SLC16A7: variants seen among roughly 807,000 people sequenced by gnomAD.
The protein encoded by SLC16A7 is monocarboxylate transporter 2.
A neutral mutation model predicts 34.9 loss-of-function variants in SLC16A7; 33 were observed. The observed-to-expected ratio is 0.94, with a 90% CI of 0.72 to 1.26. The LOEUF (loss-of-function observed/expected upper bound fraction) is 1.26, where lower values mean the gene tolerates loss of function less well. Ranked by LOEUF, SLC16A7 falls within the 50% of genes most tolerant of loss-of-function variation. The probability of loss-of-function intolerance (pLI) is 0.00; values close to 1 mark genes in which losing one functional copy is unlikely to be tolerated. For synonymous variants in SLC16A7, 201 were observed against 206.6 expected (o/e 0.97, Z 0.23); for missense variants, 573 against 578.1 (o/e 0.99, Z 0.09).
At chr12:59,711,199 C>T (rs1008611410) in intron 3 of SLC16A7, among the ~76,000 whole-genome samples, 11 of 152,128 alleles carry the variant, frequency 7.2e-5, no homozygotes, top group Admixed American at 2.0e-4. Flanking sequence ...AGATAGGAAA[C>T]GAGCAGTTCC....
At chr12:59,757,378 T>C (rs1880501144) in intron 3 of SLC16A7, among the ~76,000 whole-genome samples, 1 of 152,164 alleles carries the variant, frequency 6.6e-6, no homozygotes, top group Non-Finnish European at 1.5e-5. Context: ...ATTCTGCACA[T>C]GTATCCCAGA....
At chr12:59,648,867 G>C (rs1370285374) in intron 1 of SLC16A7, among the ~76,000 whole-genome samples, 1 of 152,104 alleles carries the variant, frequency 6.6e-6, no homozygotes, top group Admixed American at 6.6e-5. Flanking sequence ...TGAATTCTAT[G>C]GATAGATTAT....
chr12:59,741,780 G>T (rs1172214033), intron 3 of SLC16A7, among the ~76,000 whole-genome samples: 1 of 152,180 alleles, frequency 6.6e-6, no homozygotes, highest in Non-Finnish European at 1.5e-5. Context: ...AGGAGTGTGT[G>T]TTCAATGTTC....
At chr12:59,601,311 A>C (rs574210450) in intron 1 of SLC16A7, among the ~76,000 whole-genome samples, 2 of 152,380 alleles carry the variant, frequency 1.3e-5, no homozygotes, top group South Asian at 4.1e-4. Flanking sequence ...AATTAACTTG[A>C]ATATCTATAT....
intron 2 of SLC16A7, chr12:59,689,453 C>G (rs745969288): frequency 2.0e-5 from 3 of 152,002 alleles, no homozygotes; most frequent in Non-Finnish European, 2.9e-5. Context: ...GACCATGTTT[C>G]TAAACACCTG....
intron 2 of SLC16A7, among the ~76,000 whole-genome samples, chr12:59,697,128 T>C (rs1223021504): frequency 2.0e-5 from 3 of 151,930 alleles, no homozygotes; most frequent in Non-Finnish European, 2.9e-5. Flanking sequence ...TTTAAGTAGT[T>C]GACAATTCAG....
At chr12:59,613,417 C>T (rs755058987) in intron 1 of SLC16A7, among the ~76,000 whole-genome samples, 1 of 152,176 alleles carries the variant, frequency 6.6e-6, no homozygotes, top group Non-Finnish European at 1.5e-5. Flanking sequence ...TATATCACCT[C>T]CCAAGGGCTC....
chr12:59,704,868 G>T lies in SLC16A7; in HGVS notation c.67G>T (p.Val23Phe). The part of the protein sequence containing the change: ...PPDGGWGWIV[V>F]GAAFISIGFS... ...AGATGGAGGATGGGGTTGGATTGTG[G>T]TTGGAGCAGCTTTTATCTCCATTGG... is the stretch of plus-strand genomic sequence containing the variant. Residue 23 changes from valine to phenylalanine, a missense_variant, in exon 3 of 6, where the codon GTT becomes TTT. Transcript: ENST00000547379. 2.5e-6 allele frequency: 4 copies of T among 1,613,946 alleles called. No individual in the cohort carries two copies. Among genetic ancestry groups the T allele is most frequent in the Non-Finnish European group, 3.4e-6 (4 of 1,179,904 alleles).
chr12:59,619,677 GT>G (rs1012517222), intron 1 of SLC16A7, among the ~76,000 whole-genome samples: 5 of 151,962 alleles, frequency 3.3e-5, no homozygotes, highest in African/African-American at 1.2e-4. Context: ...TATGCCAGAG[GT>G]TATGGGCACT....
At position 59,785,912 on chromosome 12, in the gene SLC16A7, A is replaced by C. The variant is rs1883580749; in HGVS notation, c.*6233A>C. The C allele has an allele frequency of 6.6e-6, 1 of 150,790 alleles. No individual in the cohort carries two copies. Among genetic ancestry groups the C allele is most frequent in the Non-Finnish European group, 1.5e-5 (1 of 67,624 alleles). 9.3% of individuals were successfully genotyped at this position (150,790 alleles called of 1,614,324 possible). ...GACATGGATGAAATTAGAAATCATC[A>C]TTCTCAGTAAACTATCGCAAGAACA... On this transcript the variant is annotated 3_prime_UTR_variant, in exon 6 of 6. Transcript: ENST00000547379.
intron 1 of SLC16A7, among the ~76,000 whole-genome samples, chr12:59,603,167 A>G (rs1346218908): frequency 6.6e-6 from 1 of 152,186 alleles, no homozygotes; most frequent in Non-Finnish European, 1.5e-5. Flanking sequence ...TGCTTTTGAC[A>G]TACTACCTAC....
At chr12:59,630,690 A>G (rs1344021192) in intron 1 of SLC16A7, among the ~76,000 whole-genome samples, 3 of 151,938 alleles carry the variant, frequency 2.0e-5, no homozygotes, top group Non-Finnish European at 4.4e-5. Flanking sequence ...TATTATGTCA[A>G]TGGAATATAT....
intron 3 of SLC16A7, among the ~76,000 whole-genome samples, chr12:59,707,137 G>C (rs1349498091): frequency 6.6e-6 from 1 of 152,002 alleles, no homozygotes; most frequent in Admixed American, 6.6e-5. Flanking sequence ...TATTTTAGGG[G>C]GTATGCCTGG....
At chr12:59,613,558 T>C (rs1261408105) in intron 1 of SLC16A7, among the ~76,000 whole-genome samples, 1 of 152,240 alleles carries the variant, frequency 6.6e-6, no homozygotes, top group Non-Finnish European at 1.5e-5. Context: ...TTCTTTGCAG[T>C]TGACAAGAGA....
chr12:59,644,198 A>G (rs1369258118), intron 1 of SLC16A7, among the ~76,000 whole-genome samples: 1 of 152,156 alleles, frequency 6.6e-6, no homozygotes, highest in African/African-American at 2.4e-5. Flanking sequence ...ATACAAACAA[A>G]GCAAAGCAAA....
chr12:59,646,218 C>T (rs1237289575), intron 1 of SLC16A7, among the ~76,000 whole-genome samples: 1 of 152,198 alleles, frequency 6.6e-6, no homozygotes, highest in Non-Finnish European at 1.5e-5. Flanking sequence ...GAGACCGTCA[C>T]AGCAGCCCCT....
intron 5 of SLC16A7, among the ~76,000 whole-genome samples, chr12:59,776,142 A>T (rs1464931373): frequency 6.6e-6 from 1 of 152,162 alleles, no homozygotes; most frequent in Non-Finnish European, 1.5e-5. Context: ...ATTATTCAGT[A>T]AAAAGATGCA....
At chr12:59,633,628 G>T (rs953144411) in intron 1 of SLC16A7, among the ~76,000 whole-genome samples, 3 of 151,398 alleles carry the variant, frequency 2.0e-5, no homozygotes. Flanking sequence ...AACTACCAGA[G>T]ACTGGGGTAA....
chr12:59,645,486 G>T (rs971270194), intron 1 of SLC16A7, among the ~76,000 whole-genome samples: 4 of 152,096 alleles, frequency 2.6e-5, no homozygotes, highest in Admixed American at 1.3e-4. Context: ...TCTTCTTCCT[G>T]CTGCCAAGTG....
Sources: gnomAD v4.1 joint callset for allele counts (sites outside exome capture counted in the v4.1 genomes callset) on GRCh38, gnomAD v4.1.1 for gene constraint, MANE v1.5 for transcripts, NCBI Gene and HGNC (gene_info 2026-07-23, HGNC 2026-07-21) for gene names.